Variants in NOL4 observed in about 807,000 individuals in gnomAD.
NOL4 encodes nucleolar protein 4.
In NOL4, 17 loss-of-function variants were observed where a neutral mutation model predicts 75.9. The observed-to-expected ratio is 0.22, with a 90% CI of 0.15 to 0.34. The LOEUF is 0.34. NOL4 is among the 10% of genes least tolerant of loss of function. The pLI, the probability that NOL4 is intolerant of heterozygous loss-of-function variation, is 1.00. For missense variants in NOL4, 614 were observed against 793.5 expected, an observed-to-expected ratio of 0.77 and a Z score of 2.72; for synonymous variants, 292 against 289.9, an observed-to-expected ratio of 1.01 and a Z score of -0.07.
At chr18:33,868,761 T>C (rs940796240) in intron 10 of NOL4, among the ~76,000 whole-genome samples, 1 of 151,676 alleles carries the variant, frequency 6.6e-6, no homozygotes, top group Non-Finnish European at 1.5e-5. Flanking sequence ...AATGAAAATC[T>C]ATAACAGAAA....
intron 5 of NOL4, among the ~76,000 whole-genome samples, chr18:34,041,859 A>G (rs2076155282): frequency 6.6e-6 from 1 of 151,906 alleles, no homozygotes; most frequent in Non-Finnish European, 1.5e-5. Flanking sequence ...ATTGTTCTTA[A>G]TATTTATTAT....
intron 1 of NOL4, among the ~76,000 whole-genome samples, chr18:34,168,960 T>C (rs2032732901): frequency 1.3e-5 from 2 of 152,032 alleles, no homozygotes; most frequent in Admixed American, 6.5e-5. Flanking sequence ...CAATATCTTA[T>C]AAAAAATTAA....
In NOL4 at chr18:34,054,352, C is replaced by A. The variant is rs541756352; in HGVS notation, c.773-34751G>T. Reference sequence around the variant, plus strand: ...CTGTATGTTCCTTCCTTCAATTCTGCCAATGTTTGCTTCATCTATTGGGAA... The same window carrying A: ...CTGTATGTTCCTTCCTTCAATTCTGACAATGTTTGCTTCATCTATTGGGAA... On this transcript the variant is annotated intron_variant, in intron 5 of 10. Transcript: ENST00000261592. Among the ~76,000 whole-genome samples the A allele has an allele frequency of 4.0e-5, 6 of 151,896 alleles. No individual in the cohort carries two copies. In the South Asian group the frequency reaches 1.0e-3, roughly 26 times the overall value.
intron 1 of NOL4, chr18:34,222,278 T>A: frequency 7.5e-7 from 1 of 1,334,350 alleles, no homozygotes; most frequent in Non-Finnish European, 9.5e-7. Context: ...CCTAAACCCA[T>A]CTTTCTTTGT....
chr18:34,185,507 A>G lies in NOL4; in HGVS notation c.264+37483T>C, dbSNP rs72961228. On this transcript the variant is annotated intron_variant, in intron 1 of 10. Transcript: ENST00000261592. The stretch of plus-strand genomic sequence containing the variant: ...AGAGGCTTATTTTTTTTTCAAGGTA[A>G]AATTCAGAGAGAAAAATTGAACAAT... Among the ~76,000 whole-genome samples the G allele has an allele frequency of 9.0e-3, 1,365 of 152,244 alleles. 8 individuals are homozygous for G. The highest frequency in any genetic ancestry group is 0.013 in the Non-Finnish European group (879 of 68,006).
rs1306216698 is a variant in NOL4 at position 34,019,544 on chromosome 18, G to A, written c.830C>T (p.Ala277Val). 6.2e-7 allele frequency: 1 copy of A among 1,613,838 alleles called. No homozygotes were observed. The highest frequency in any genetic ancestry group is 8.5e-7 in the Non-Finnish European group (1 of 1,179,972). The stretch of plus-strand genomic sequence containing the variant: ...CTCCCTGCTGTGTGTTCCCCCTGAA[G>A]CAATTGAACTGTGCCCCAGAGTCTC... ...GNETLGHSSIASGGTHSREMG... is the reference protein window; with the variant it reads ...GNETLGHSSIVSGGTHSREMG... Residue 277 changes from alanine (A) to valine (V), a missense_variant, in exon 6 of 11, where the codon GCT becomes GTT. Physicochemically the swap from Ala to Val is moderately conservative, Grantham distance 64. This residue lies in a region of NOL4 where 196 missense variants were observed against 167.9 expected (regional missense o/e 1.17). Transcript: ENST00000261592.
rs562043735 is a variant in NOL4 at position 34,030,943 on chromosome 18, A to T, written c.773-11342T>A. On this transcript the variant is annotated intron_variant, in intron 5 of 10. Transcript: ENST00000261592. ...AAATCAAAATATGTAAAAAAATAGA[A>T]GATTAAGGTTGACAATAGGGAGAAC... Among the ~76,000 whole-genome samples, 4 of 151,544 alleles carry T rather than the reference A, an allele frequency of 2.6e-5. No homozygotes were observed. The South Asian group carries it at 6.2e-4, about 24-fold the overall frequency.
At chr18:34,014,908 A>G (rs1432257230) in intron 6 of NOL4, among the ~76,000 whole-genome samples, 3 of 152,028 alleles carry the variant, frequency 2.0e-5, no homozygotes, top group Non-Finnish European at 4.4e-5. Flanking sequence ...TCAATGCTTT[A>G]TAATCATTTT....
intron 5 of NOL4, among the ~76,000 whole-genome samples, chr18:34,041,456 A>G (rs1377176621): frequency 6.6e-6 from 1 of 151,076 alleles, no homozygotes; most frequent in Non-Finnish European, 1.5e-5. Context: ...AGGGAAGCAC[A>G]TGTCTCTTTC....
intron 1 of NOL4, among the ~76,000 whole-genome samples, chr18:34,164,040 A>G (rs1236160891): frequency 1.1e-4 from 16 of 152,210 alleles, no homozygotes; most frequent in African/African-American, 3.4e-4. Flanking sequence ...CTAGCCATAC[A>G]TAGAAAGCTG....
chr18:33,872,761 A>G (rs929925371), intron 10 of NOL4, among the ~76,000 whole-genome samples: 1 of 152,096 alleles, frequency 6.6e-6, no homozygotes, highest in Non-Finnish European at 1.5e-5. Flanking sequence ...CAATAGCCAC[A>G]TATGGATAGT....
chr18:34,101,646 G>A lies in NOL4; in HGVS notation c.639+2401C>T, dbSNP rs114073059. On this transcript the variant is annotated intron_variant, in intron 4 of 10. Coordinates refer to ENST00000261592, the MANE Select transcript of NOL4 (RefSeq NM_003787.5). ...TTCAATGTTAGCAGTTTTGTGGAGC[G>A]CAAACTCCAAAAGTTATTCAAAGGC... 2.5e-3 allele frequency among the ~76,000 whole-genome samples: 387 copies of A among 152,134 alleles called. 1 individual carries two copies. The highest frequency in any genetic ancestry group is 8.4e-3 in the African/African-American group (350 of 41,508).
intron 9 of NOL4, among the ~76,000 whole-genome samples, chr18:33,885,539 CATACAG>C (rs2064586600): frequency 6.6e-6 from 1 of 152,090 alleles, no homozygotes; most frequent in African/African-American, 2.4e-5. Context: ...GAAAAGACAA[CATACAG>C]ATGGAAAACA....
chr18:33,911,727 T>C (rs923604727), intron 9 of NOL4, among the ~76,000 whole-genome samples: 9 of 152,154 alleles, frequency 5.9e-5, no homozygotes, highest in Non-Finnish European at 1.3e-4. Flanking sequence ...CTTCTTCGTT[T>C]CTGGGGAACA....
chr18:33,998,028 A>G (rs1031599076), intron 6 of NOL4, among the ~76,000 whole-genome samples: 2 of 152,036 alleles, frequency 1.3e-5, no homozygotes, highest in Admixed American at 6.6e-5. Context: ...GCAGTCATAA[A>G]GATGACATCA....
intron 5 of NOL4, among the ~76,000 whole-genome samples, chr18:34,078,395 G>A (rs1273768475): frequency 6.6e-6 from 1 of 152,140 alleles, no homozygotes; most frequent in Non-Finnish European, 1.5e-5. Flanking sequence ...AAAATGTAAA[G>A]GATGTCTTTA....
At chr18:34,017,149 T>C (rs939244922) in intron 6 of NOL4, among the ~76,000 whole-genome samples, 7 of 152,150 alleles carry the variant, frequency 4.6e-5, no homozygotes, top group Admixed American at 3.3e-4. Flanking sequence ...AAACCTATTT[T>C]GACTCTTACT....
Position 34,093,566 on chromosome 18 carries a change from T to A in NOL4, c.671A>T (p.Asp224Val). The change falls in exon 5 of 11, where the codon GAC becomes GTC. Residue 224 changes from aspartate (D) to valine (V), a missense_variant. This residue lies in a region of NOL4 where 135 missense variants were observed against 220.4 expected (regional missense o/e 0.61). Coordinates refer to ENST00000261592, the MANE Select transcript of NOL4 (RefSeq NM_003787.5). ...DESSIESDEF[D>V]MSDSTRMSAV... ...TGACATCCGTGTTGAATCACTCATG[T>A]CAAATTCATCACTTTCTATTGAACT... 1 of 1,597,416 alleles carries A rather than the reference T, an allele frequency of 6.3e-7. No individual in the cohort carries two copies. The highest frequency in any genetic ancestry group is 8.5e-7 in the Non-Finnish European group (1 of 1,169,864).
At chr18:33,970,295 T>C (rs906044509) in intron 6 of NOL4, among the ~76,000 whole-genome samples, 10 of 152,222 alleles carry the variant, frequency 6.6e-5, no homozygotes, top group Admixed American at 1.3e-4. Context: ...AACAAAACAG[T>C]ATATATGACC....
Sources: gnomAD v4.1 joint callset for allele counts (sites outside exome capture counted in the v4.1 genomes callset) on GRCh38, gnomAD v4.1.1 for gene constraint, gnomAD v4.1.1 regional missense constraint, MANE v1.5 for transcripts, NCBI Gene and HGNC (gene_info 2026-07-23, HGNC 2026-07-21) for gene names.